Variants in POLR3B observed in about 807,000 individuals in gnomAD.
POLR3B encodes DNA-directed RNA polymerase III subunit RPC2.
POLR3B carries 96 observed loss-of-function variants against 147.4 expected under a neutral mutation model. The observed-to-expected ratio is 0.65, with a 90% CI of 0.55 to 0.77. POLR3B has a LOEUF of 0.77. POLR3B is among the 30% of genes least tolerant of loss of function. POLR3B has a pLI of 0.00. For missense variants in POLR3B, 1,036 were observed against 1,413.5 expected, an observed-to-expected ratio of 0.73 and a Z score of 4.28; for synonymous variants, 461 against 485.9, an observed-to-expected ratio of 0.95 and a Z score of 0.67.
chr12:106,505,978 C>G (rs1050623125), intron 27 of POLR3B, among the ~76,000 whole-genome samples: 1 of 152,162 alleles, frequency 6.6e-6, no homozygotes, highest in Admixed American at 6.5e-5. Flanking sequence ...GGTGAAGACT[C>G]TCGTCTGTAA....
intron 6 of POLR3B, among the ~76,000 whole-genome samples, chr12:106,374,655 T>C (rs2036653750): frequency 6.6e-6 from 1 of 151,934 alleles, no homozygotes; most frequent in Non-Finnish European, 1.5e-5. Flanking sequence ...GCTGGGACTA[T>C]AGGCGCACGC....
chr12:106,484,265 A>C (rs1307441979), intron 23 of POLR3B, among the ~76,000 whole-genome samples: 4 of 152,228 alleles, frequency 2.6e-5, no homozygotes, highest in Admixed American at 6.5e-5. Flanking sequence ...AAACGATGGC[A>C]CCAATCACAA....
At chr12:106,436,986 T>C in intron 16 of POLR3B, 71 bp from the exon 17 acceptor site, 4 of 1,167,532 alleles carry the variant, frequency 3.4e-6, no homozygotes, top group Admixed American at 3.6e-5. Context: ...CATCTCACTT[T>C]GGTAAACTAA....
At chr12:106,481,672 C>T (rs1202350535) in intron 23 of POLR3B, among the ~76,000 whole-genome samples, 1 of 152,204 alleles carries the variant, frequency 6.6e-6, no homozygotes, top group Admixed American at 6.5e-5. Context: ...TTTCTCCTTA[C>T]ACGTAGGTTT....
At chr12:106,456,214 G>A (rs529474343) in intron 20 of POLR3B, among the ~76,000 whole-genome samples, 47 of 152,300 alleles carry the variant, frequency 3.1e-4, no homozygotes, top group Middle Eastern at 3.4e-3. Context: ...AGGAATGACA[G>A]CTGTTTTGGG....
chr12:106,391,293 AGCAAGCAGGCAGCTATAGT>A (rs1255495550), intron 9 of POLR3B, among the ~76,000 whole-genome samples: 8 of 152,148 alleles, frequency 5.3e-5, no homozygotes, highest in Non-Finnish European at 5.9e-5. Flanking sequence ...TTTCAGACAG[AGCAAGCAGGCAGCTATAGT>A]GCCTTTTATG....
chr12:106,426,222 TTGTGTG>T (rs35090518), intron 12 of POLR3B, among the ~76,000 whole-genome samples: 2,141 of 131,206 alleles, frequency 0.016, 59 homozygotes, highest in African/African-American at 0.057. Flanking sequence ...GGCCTGCAAT[TTGTGTG>T]TGTGTGTGTG....
chr12:106,475,621 T>A lies in POLR3B; in HGVS notation c.2713+12001T>A, dbSNP rs1022356122. Among the ~76,000 whole-genome samples, 31 of 136,782 alleles carry A rather than the reference T, an allele frequency of 2.3e-4. 1 individual carries two copies. In the South Asian group the frequency reaches 7.1e-3, roughly 31 times the overall value. The allele number at this position is 136,782 out of a possible 152,430, so 89.7% of individuals were successfully genotyped here. ...AATTGATCCCTTTACCATTATGTAATGGCCTTCTTTGTCTCTTTTGATCTT... is the reference window on the plus strand; with the variant it reads ...AATTGATCCCTTTACCATTATGTAAAGGCCTTCTTTGTCTCTTTTGATCTT... On this transcript the variant is annotated intron_variant, in intron 23 of 27. Transcript: ENST00000228347.
intron 25 of POLR3B, chr12:106,500,258 A>G (rs894698873): frequency 2.5e-4 from 110 of 435,276 alleles, no homozygotes; most frequent in Non-Finnish European, 3.9e-4. Flanking sequence ...CTTGCTCCAG[A>G]TTAATGAGAA....
intron 23 of POLR3B, among the ~76,000 whole-genome samples, chr12:106,488,603 G>C (rs767744819): frequency 5.3e-5 from 8 of 152,160 alleles, no homozygotes; most frequent in African/African-American, 1.9e-4. Flanking sequence ...CATGGGTGTG[G>C]AATGTTCTAT....
chr12:106,374,785 G>A lies in POLR3B; in HGVS notation c.405-1574G>A, dbSNP rs145852146. Reference sequence around the variant, plus strand: ...CTTGCCTTGGCCTCCTATAGTGCTGGGATTACAGGCGTGAGCCACCGCACC... The same window carrying A: ...CTTGCCTTGGCCTCCTATAGTGCTGAGATTACAGGCGTGAGCCACCGCACC... On this transcript the variant is annotated intron_variant, in intron 6 of 27. Coordinates refer to ENST00000228347, the MANE Select transcript of POLR3B (RefSeq NM_018082.6). Among the ~76,000 whole-genome samples the A allele has an allele frequency of 4.3e-3, 656 of 152,116 alleles. 2 individuals carry two copies. The highest frequency in any genetic ancestry group is 0.015 in the African/African-American group (632 of 41,512).
Position 106,454,540 on chromosome 12 carries a change from C to G in POLR3B, c.2122C>G (p.Leu708Val), listed in dbSNP as rs902984354. ...CAACCAGCGAAACAGAATTGATACT[C>G]TCATGTATCTACTAGCATATCCACA... ...GYNQRNRIDTLMYLLAYPQKP... is the reference protein window; with the variant it reads ...GYNQRNRIDTVMYLLAYPQKP... Residue 708 changes from leucine to valine, a missense_variant, in exon 20 of 28, where the codon CTC (leucine) becomes GTC (valine). Leu to Val is a conservative substitution (Grantham distance 32, BLOSUM62 1). Transcript: ENST00000228347. The G allele has an allele frequency of 1.9e-6, 3 of 1,605,770 alleles. No homozygotes were observed. The highest frequency in any genetic ancestry group is 2.6e-6 in the Non-Finnish European group (3 of 1,172,688).
intron 13 of POLR3B, among the ~76,000 whole-genome samples, chr12:106,429,980 A>G (rs960669724): frequency 6.6e-6 from 1 of 152,158 alleles, no homozygotes; most frequent in Non-Finnish European, 1.5e-5. Context: ...CTGGCTCTTC[A>G]TTATAGAATT....
intron 23 of POLR3B, among the ~76,000 whole-genome samples, chr12:106,491,724 G>A (rs1356435848): frequency 2.6e-5 from 4 of 152,148 alleles, no homozygotes; most frequent in Admixed American, 6.5e-5. Context: ...ATATATTTAC[G>A]AAGTTTTCAA....
intron 23 of POLR3B, among the ~76,000 whole-genome samples, chr12:106,478,194 A>G (rs1255428847): frequency 6.6e-6 from 1 of 152,106 alleles, no homozygotes; most frequent in Non-Finnish European, 1.5e-5. Context: ...GACGTGAGCC[A>G]CCATGCCCGG....
intron 12 of POLR3B, among the ~76,000 whole-genome samples, chr12:106,415,691 A>AT (rs947222841): frequency 1.3e-5 from 2 of 152,142 alleles, no homozygotes; most frequent in Non-Finnish European, 2.9e-5. Flanking sequence ...AATATCTTTA[A>AT]TTTTTTTAAA....
At chr12:106,480,000 G>A (rs1443714006) in intron 23 of POLR3B, among the ~76,000 whole-genome samples, 1 of 144,960 alleles carries the variant, frequency 6.9e-6, no homozygotes, top group Non-Finnish European at 1.5e-5. Context: ...TTGTTTTTGG[G>A]TTTTTTTTTT....
intron 26 of POLR3B, among the ~76,000 whole-genome samples, chr12:106,503,389 T>C (rs1310411182): frequency 6.6e-6 from 1 of 152,174 alleles, no homozygotes; most frequent in Non-Finnish European, 1.5e-5. Context: ...GGGTGTATGG[T>C]CACCCCTGCT....
chr12:106,378,575 G>A (rs1033301249), intron 8 of POLR3B, among the ~76,000 whole-genome samples, 191 bp downstream of exon 8: 1 of 151,920 alleles, frequency 6.6e-6, no homozygotes, highest in Non-Finnish European at 1.5e-5. Flanking sequence ...TTCAGTGATG[G>A]GAGTCTGAGA....
Sources: allele counts gnomAD v4.1 joint callset (sites outside exome capture counted in the v4.1 genomes callset), GRCh38; gene constraint gnomAD v4.1.1; transcripts MANE v1.5; gene names NCBI Gene and HGNC (gene_info 2026-07-23, HGNC 2026-07-21).